Variants in PRKCD observed in about 807,000 individuals in gnomAD.
PRKCD encodes the protein protein kinase C delta type.
PRKCD carries 20 observed loss-of-function variants against 82.2 expected under a neutral mutation model. The ratio of observed to expected loss-of-function variants is 0.24; its 90% CI spans 0.17 to 0.35. The LOEUF (loss-of-function observed/expected upper bound fraction) is 0.35, where lower values mean the gene tolerates loss of function less well. Among genes scored for constraint, PRKCD ranks in the 10% least tolerant of loss-of-function variants. The pLI, the probability that PRKCD is intolerant of heterozygous loss-of-function variation, is 1.00. For missense variants in PRKCD, 607 were observed against 899.0 expected (o/e 0.68, Z 4.15); for synonymous variants, 317 against 337.0 (o/e 0.94, Z 0.65).
intron 2 of PRKCD, among the ~76,000 whole-genome samples, chr3:53,177,784 G>A (rs531261136): frequency 2.3e-4 from 35 of 152,210 alleles, no homozygotes; most frequent in Non-Finnish European, 4.9e-4. Context: ...GGTAGGAGGA[G>A]TGAAGAGAGT....
At chr3:53,163,046 A>G (rs1236767341) in intron 1 of PRKCD, among the ~76,000 whole-genome samples, 4 of 150,132 alleles carry the variant, frequency 2.7e-5, no homozygotes, top group African/African-American at 9.9e-5. Context: ...CAGCAGAGGG[A>G]GGCTGTATGG....
At chr3:53,185,539 C>A in intron 10 of PRKCD, 65 bp from the exon 11 acceptor site, 1 of 1,399,466 alleles carries the variant, frequency 7.1e-7, no homozygotes, top group Non-Finnish European at 1.0e-6. Flanking sequence ...GGGAGTCTTC[C>A]TTCTGGGCTG....
chr3:53,185,798 G>A, intron 11 of PRKCD, 98 bp downstream of exon 11: 1 of 1,524,920 alleles, frequency 6.6e-7, no homozygotes, highest in Admixed American at 1.7e-5. Context: ...GACATGGAAG[G>A]AACCACCGGT....
chr3:53,178,507 G>A lies in PRKCD; in HGVS notation c.85G>A (p.Ala29Thr). The A allele has an allele frequency of 6.2e-7, 1 of 1,613,304 alleles. No homozygotes were observed. Among genetic ancestry groups the A allele is most frequent in the Non-Finnish European group, 8.5e-7 (1 of 1,179,886 alleles). The change falls in exon 3 of 19, where the codon GCC becomes ACC. Residue 29 changes from alanine to threonine, a missense_variant. Physicochemically the swap from Ala to Thr is moderately conservative, Grantham distance 58. This residue lies in a region of PRKCD where 161 missense variants were observed against 227.0 expected (regional missense o/e 0.71). Transcript: ENST00000330452. ...AEDEANQPFC[A>T]VKMKEALSTE... ...GGACGAGGCGAACCAGCCCTTCTGT[G>A]CCGTGAAGATGAAGGAGGCGCTCAG...
intron 2 of PRKCD, among the ~76,000 whole-genome samples, chr3:53,171,116 C>T (rs1173017543): frequency 2.0e-5 from 3 of 152,166 alleles, no homozygotes; most frequent in Admixed American, 6.5e-5. Flanking sequence ...AGAGGCCCGG[C>T]TGCATCCCCC....
At position 53,192,352 on chromosome 3, in the gene PRKCD, TCTG is replaced by T. The variant is rs1703956163; in HGVS notation, c.*93_*95del. 5.9e-6 allele frequency: 9 copies of T among 1,515,152 alleles called. No individual in the cohort carries two copies. Among genetic ancestry groups the T allele is most frequent in the Non-Finnish European group, 8.2e-6 (9 of 1,102,292 alleles). The allele number at this position is 1,515,152 out of a possible 1,614,324, so 93.9% of individuals were successfully genotyped here. On this transcript the variant is annotated 3_prime_UTR_variant, in exon 19 of 19. Coordinates refer to ENST00000330452, the MANE Select transcript of PRKCD (RefSeq NM_006254.4). ...AAGCACCAGTGGGACTGTGGTGACT[TCTG>T]CTGCTGGCCCCGCCCCTGCCCCCAG...
chr3:53,161,822 C>T (rs1553663007), intron 1 of PRKCD, among the ~76,000 whole-genome samples: 1 of 150,308 alleles, frequency 6.7e-6, no homozygotes, highest in Non-Finnish European at 1.5e-5. Flanking sequence ...CCGATCCGTC[C>T]GTCCCTTGCC....
intron 10 of PRKCD, 62 bp downstream of exon 10, chr3:53,185,036 A>C (rs1575540291): frequency 6.9e-7 from 1 of 1,446,602 alleles, no homozygotes. Context: ...GTCAAGGCTT[A>C]CAGCCACTGC....
Position 53,183,153 on chromosome 3 carries a change from G to C in PRKCD, c.604G>C (p.Asp202His), listed in dbSNP as rs149165175. The C allele has an allele frequency of 6.2e-7, 1 of 1,614,180 alleles. No individual in the cohort carries two copies. The highest frequency in any genetic ancestry group is 8.5e-7 in the Non-Finnish European group (1 of 1,180,034). The change falls in exon 8 of 19, where the codon GAC becomes CAC. Residue 202 changes from aspartate to histidine, a missense_variant. By Grantham distance (81) the Asp-to-His change is moderately conservative. Coordinates refer to ENST00000330452, the MANE Select transcript of PRKCD (RefSeq NM_006254.4). Reference protein sequence around the residue: ...CNAAIHKKCIDKIIGRCTGTA... With the variant: ...CNAAIHKKCIHKIIGRCTGTA... ...CGCTGCCATCCACAAGAAATGCATC[G>C]ACAAGATCATCGGCAGATGCACTGG...
Position 53,185,937 on chromosome 3 carries a change from G to C in PRKCD, c.996G>C (p.Gly332=), listed in dbSNP as rs782040901. 1 of 1,614,180 alleles carries C rather than the reference G, an allele frequency of 6.2e-7. No homozygotes were observed. The highest frequency in any genetic ancestry group is 2.2e-5 in the East Asian group (1 of 44,884). The change falls in exon 12 of 19, where the codon GGG becomes GGC. Residue 332 remains glycine, a synonymous_variant. Coordinates refer to ENST00000330452, the MANE Select transcript of PRKCD (RefSeq NM_006254.4). ...CCATCTCTCGGGCAGACAACAGTGG[G>C]ACCTACGGCAAGATCTGGGAGGGCA... ...VAGEDMQDNS[G]TYGKIWEGSS...
Position 53,166,787 on chromosome 3 carries a change from G to T in PRKCD, c.-20+1572G>T, listed in dbSNP as rs550191312. The stretch of plus-strand genomic sequence containing the variant: ...AAGGGGGGCTGGGCCACCCTGGTAG[G>T]TGGGCTCTGCCCATGCATTCAGCAG... On this transcript the variant is annotated intron_variant, in intron 2 of 18. Coordinates refer to ENST00000330452, the MANE Select transcript of PRKCD (RefSeq NM_006254.4). Among the ~76,000 whole-genome samples, 3 of 152,378 alleles carry T rather than the reference G, an allele frequency of 2.0e-5. No individual in the cohort carries two copies. In the South Asian group the frequency reaches 6.2e-4, roughly 32 times the overall value.
At chr3:53,182,716 G>C (rs1468525051) in intron 7 of PRKCD, among the ~76,000 whole-genome samples, 1 of 152,210 alleles carries the variant, frequency 6.6e-6, no homozygotes, top group Admixed American at 6.5e-5. Flanking sequence ...CACATGCTTT[G>C]TGTGTATGTA....
chr3:53,179,436 G>C (rs782309398), intron 3 of PRKCD, 141 bp from the exon 4 acceptor site: 2 of 1,083,484 alleles, frequency 1.8e-6, no homozygotes, highest in Non-Finnish European at 2.8e-6. Flanking sequence ...GTAGTTCTGT[G>C]CTCTAGAGGA....
chr3:53,183,229 G>C, intron 8 of PRKCD, 23 bp downstream of exon 8: 3 of 1,612,272 alleles, frequency 1.9e-6, no homozygotes, highest in Non-Finnish European at 2.5e-6. Context: ...CCGGGGCAGG[G>C]CTGGGGATCT....
chr3:53,175,795 T>G (rs781855181), intron 2 of PRKCD, among the ~76,000 whole-genome samples: 7 of 152,204 alleles, frequency 4.6e-5, no homozygotes, highest in Non-Finnish European at 8.8e-5. Context: ...GACACAGACC[T>G]GCCAATCATT....
chr3:53,192,109 A>C lies in PRKCD; in HGVS notation c.1874A>C (p.Lys625Thr). 1 of 1,613,886 alleles carries C rather than the reference A, an allele frequency of 6.2e-7. No homozygotes were observed. The highest frequency in any genetic ancestry group is 8.5e-7 in the Non-Finnish European group (1 of 1,179,936). ...CTCACCCCTGCCCTCTGCTTGTAGAAGTCACCCAGAGACTACAGTAACTTT... is the reference window on the plus strand; with the variant it reads ...CTCACCCCTGCCCTCTGCTTGTAGACGTCACCCAGAGACTACAGTAACTTT... ...RLEPPFRPKV[K>T]SPRDYSNFDQ... The change falls in exon 19 of 19, where the codon AAG (lysine) becomes ACG (threonine). Residue 625 changes from lysine to threonine, a missense_variant and splice_region_variant. This residue lies in a region of PRKCD where 251 missense variants were observed against 423.9 expected (regional missense o/e 0.59). Coordinates refer to ENST00000330452, the MANE Select transcript of PRKCD (RefSeq NM_006254.4).
At chr3:53,191,423 A>G (rs1703921450) in intron 18 of PRKCD, among the ~76,000 whole-genome samples, 1 of 149,126 alleles carries the variant, frequency 6.7e-6, no homozygotes, top group Non-Finnish European at 1.5e-5. Context: ...GAATAAATAA[A>G]TAAAAATAAA....
At position 53,170,848 on chromosome 3, in the gene PRKCD, C is replaced by T. The variant is rs78153065; in HGVS notation, c.-20+5633C>T. On this transcript the variant is annotated intron_variant, in intron 2 of 18. Coordinates refer to ENST00000330452, the MANE Select transcript of PRKCD (RefSeq NM_006254.4). ...GTACATCACAGCTTGTGGCACTCCA[C>T]GTGCGTGTGGAGCCTATGTGGTCGG... Among the ~76,000 whole-genome samples the T allele has an allele frequency of 2.3e-3, 356 of 152,288 alleles. 2 individuals are homozygous for T. The highest frequency in any genetic ancestry group is 8.3e-3 in the African/African-American group (344 of 41,562).
chr3:53,192,443 T>A lies in PRKCD; in HGVS notation c.*177T>A. ...ACTTCCTCTGTGAACTGTGTGTGAATCTGCTTTTCCTCTGCCTTCGGAGGG... is the reference window on the plus strand; with the variant it reads ...ACTTCCTCTGTGAACTGTGTGTGAAACTGCTTTTCCTCTGCCTTCGGAGGG... On this transcript the variant is annotated 3_prime_UTR_variant, in exon 19 of 19. Transcript: ENST00000330452. 2 of 619,210 alleles carry A rather than the reference T, an allele frequency of 3.2e-6. No homozygotes were observed. Among genetic ancestry groups the A allele is most frequent in the Non-Finnish European group, 5.5e-6 (2 of 365,312 alleles). 38.4% of individuals were successfully genotyped at this position (619,210 alleles called of 1,614,324 possible). A position where few individuals can be genotyped will look rare whatever the true frequency, so the allele number is the denominator to read the frequency against.
Sources: gnomAD v4.1 joint callset for allele counts (sites outside exome capture counted in the v4.1 genomes callset) on GRCh38, gnomAD v4.1.1 for gene constraint, gnomAD v4.1.1 regional missense constraint, MANE v1.5 for transcripts, NCBI Gene and HGNC (gene_info 2026-07-23, HGNC 2026-07-21) for gene names.